MBD5: variants seen among roughly 807,000 people sequenced by gnomAD.
The protein encoded by MBD5 is methyl-CpG-binding domain protein 5.
MBD5 carries 13 observed loss-of-function variants against 117.3 expected under a neutral mutation model. That is an observed-to-expected ratio of 0.11 (90% CI 0.07 to 0.18). MBD5 has a LOEUF of 0.18. Among genes scored for constraint, MBD5 ranks in the 10% least tolerant of loss-of-function variants. The probability of loss-of-function intolerance (pLI) is 1.00; values close to 1 mark genes in which losing one functional copy is unlikely to be tolerated. For missense variants in MBD5, 1,879 were observed against 2,093.8 expected (o/e 0.90, Z 2.00); for synonymous variants, 727 against 766.4 (o/e 0.95, Z 0.85).
At chr2:148,191,031 G>T (rs1262457134) in intron 2 of MBD5, among the ~76,000 whole-genome samples, 1 of 148,908 alleles carries the variant, frequency 6.7e-6, no homozygotes, top group Non-Finnish European at 1.5e-5. Context: ...TAATGGTAAA[G>T]GGATCAATTC....
intron 9 of MBD5, chr2:148,485,359 A>AGATACT: frequency 4.9e-6 from 1 of 202,456 alleles, no homozygotes; most frequent in Non-Finnish European, 1.0e-5. Context: ...TTATCTGGTC[A>AGATACT]GATACTTACA....
At chr2:148,235,189 ATTG>A (rs2106160039) in intron 3 of MBD5, among the ~76,000 whole-genome samples, 1 of 152,134 alleles carries the variant, frequency 6.6e-6, no homozygotes, top group African/African-American at 2.4e-5. Flanking sequence ...ATTATTTTTT[ATTG>A]TTGTCATGTT....
At position 148,057,739 on chromosome 2, in the gene MBD5, C is replaced by T. The variant is rs1028596595; in HGVS notation, c.-925+36055C>T. ...TAACCAAATGAATTTGCAGTACTCT[C>T]ATTACTTAGGTTTCTTCCTTTGAAT... is the stretch of plus-strand genomic sequence containing the variant. On this transcript the variant is annotated intron_variant, in intron 1 of 13. Transcript: ENST00000642680. 2.0e-5 allele frequency among the ~76,000 whole-genome samples: 3 copies of T among 152,056 alleles called. No individual in the cohort carries two copies. In the East Asian group the frequency reaches 5.8e-4, roughly 29 times the overall value.
At chr2:148,360,613 TC>T in intron 4 of MBD5, among the ~76,000 whole-genome samples, 1 of 152,312 alleles carries the variant, frequency 6.6e-6, no homozygotes, top group African/African-American at 2.4e-5. Context: ...CTGCTTTTTT[TC>T]CCCTATTCAC....
chr2:148,356,139 T>C (rs1461417741), intron 4 of MBD5, among the ~76,000 whole-genome samples: 1 of 152,072 alleles, frequency 6.6e-6, no homozygotes, highest in African/African-American at 2.4e-5. Context: ...ATTATTATTT[T>C]GCAACCATAA....
intron 3 of MBD5, among the ~76,000 whole-genome samples, chr2:148,330,117 A>ACACT (rs1247250428): frequency 2.2e-5 from 3 of 133,526 alleles, no homozygotes; most frequent in African/African-American, 8.4e-5. Context: ...ACACACACAC[A>ACACT]CTCTACCTTA....
chr2:148,432,862 T>C (rs1011675594), intron 4 of MBD5, among the ~76,000 whole-genome samples: 2 of 152,212 alleles, frequency 1.3e-5, no homozygotes, highest in Admixed American at 6.5e-5. Flanking sequence ...GCTGTTTTGG[T>C]TTCATATGAA....
chr2:148,259,952 T>G (rs2106292155), intron 3 of MBD5, among the ~76,000 whole-genome samples: 1 of 152,312 alleles, frequency 6.6e-6, no homozygotes, highest in East Asian at 1.9e-4. Flanking sequence ...AATGATCACC[T>G]GAGCCTTCAG....
Position 148,483,988 on chromosome 2 carries a change from A to G in MBD5, c.3397A>G (p.Thr1133Ala). 2 of 1,550,456 alleles carry G rather than the reference A, an allele frequency of 1.3e-6. No homozygotes were observed. The highest frequency in any genetic ancestry group is 1.7e-6 in the Non-Finnish European group (2 of 1,146,930). ...AGCAGTGGCAGCACTGACTGTCTCAACACTTGGTGGGACAGCAGTGGTGTC... is the reference window on the plus strand; with the variant it reads ...AGCAGTGGCAGCACTGACTGTCTCAGCACTTGGTGGGACAGCAGTGGTGTC... ...SSAVAALTVS[T>A]LGGTAVVSMA... is the part of the protein sequence containing the mutation. The change falls in exon 9 of 14, where the codon ACA becomes GCA. Residue 1133 changes from threonine (T) to alanine (A), a missense_variant. This residue lies in a region of MBD5 where 1,666 missense variants were observed against 1,792.2 expected (regional missense o/e 0.93). Transcript: ENST00000642680.
chr2:148,274,991 A>G (rs1701073339), intron 3 of MBD5, among the ~76,000 whole-genome samples: 1 of 152,142 alleles, frequency 6.6e-6, no homozygotes, highest in African/African-American at 2.4e-5. Flanking sequence ...TTGGCCTCCC[A>G]GAGTGTTGAG....
chr2:148,310,254 G>T (rs560640348), intron 3 of MBD5, among the ~76,000 whole-genome samples: 2 of 152,082 alleles, frequency 1.3e-5, no homozygotes, highest in Non-Finnish European at 2.9e-5. Flanking sequence ...GGTAGAATTC[G>T]GCTGTGAATC....
intron 3 of MBD5, among the ~76,000 whole-genome samples, chr2:148,288,045 G>T (rs1455610690): frequency 8.3e-6 from 1 of 120,444 alleles, no homozygotes; most frequent in Non-Finnish European, 2.0e-5. Flanking sequence ...GCATTTTTAA[G>T]TACCATGAAA....
intron 4 of MBD5, among the ~76,000 whole-genome samples, chr2:148,385,240 C>T (rs981644681): frequency 1.2e-4 from 19 of 152,176 alleles, no homozygotes; most frequent in African/African-American, 4.6e-4. Context: ...TATCCAGAAT[C>T]TACAATGAAC....
intron 4 of MBD5, among the ~76,000 whole-genome samples, chr2:148,377,075 T>C (rs1704013071): frequency 1.3e-5 from 2 of 151,426 alleles, no homozygotes; most frequent in Admixed American, 1.3e-4. Context: ...TCCCTATATA[T>C]ATAAAGGGGA....
chr2:148,195,145 A>T (rs1487833747), intron 2 of MBD5, among the ~76,000 whole-genome samples: 2 of 148,000 alleles, frequency 1.4e-5, no homozygotes, highest in Non-Finnish European at 2.9e-5. Context: ...TAGGGGGTAG[A>T]CTCCTGCTAT....
intron 2 of MBD5, among the ~76,000 whole-genome samples, chr2:148,228,937 TG>T (rs1042461617): frequency 6.6e-6 from 1 of 152,250 alleles, no homozygotes; most frequent in Non-Finnish European, 1.5e-5. Context: ...TTTGTATTTC[TG>T]TGGGATCGCT....
At chr2:148,126,460 T>G (rs1696899908) in intron 1 of MBD5, among the ~76,000 whole-genome samples, 1 of 151,150 alleles carries the variant, frequency 6.6e-6, no homozygotes, top group South Asian at 2.1e-4. Flanking sequence ...TTACTAAAGA[T>G]TTTGGATGAG....
rs1238082903 is a variant in MBD5 at position 148,421,597 on chromosome 2, GGAAAGGGGGTTGAA to G, written c.-556-36604_-556-36591del. ...TGAGACAGAACACATTCACTCCCTTGGAAAGGGGGTTGAAGCCAGGGAGCCAAGTGGTCTGGCTC... is the reference window on the plus strand; with the variant it reads ...TGAGACAGAACACATTCACTCCCTTGGCCAGGGAGCCAAGTGGTCTGGCTC... On this transcript the variant is annotated intron_variant, in intron 4 of 13. Transcript: ENST00000642680. 2.0e-5 allele frequency among the ~76,000 whole-genome samples: 3 copies of G among 152,052 alleles called. No homozygotes were observed. In the East Asian group the frequency reaches 5.8e-4, roughly 30 times the overall value.
intron 3 of MBD5, among the ~76,000 whole-genome samples, chr2:148,326,240 A>C (rs1202396891): frequency 6.6e-6 from 1 of 152,134 alleles, no homozygotes; most frequent in Non-Finnish European, 1.5e-5. Context: ...TTTGCTGAGG[A>C]GAGCTTTACT....
Sources: allele counts gnomAD v4.1 joint callset (sites outside exome capture counted in the v4.1 genomes callset), GRCh38; gene constraint gnomAD v4.1.1; regional missense constraint gnomAD v4.1.1; transcripts MANE v1.5; gene names NCBI Gene and HGNC (gene_info 2026-07-23, HGNC 2026-07-21).